BEND7: variants seen among roughly 807,000 people sequenced by gnomAD.
The protein encoded by BEND7 is BEN domain containing 7.
A neutral mutation model predicts 50.9 loss-of-function variants in BEND7; 28 were observed. The observed-to-expected ratio is 0.55, with a 90% CI of 0.41 to 0.75. BEND7 has a LOEUF of 0.75. Among genes scored for constraint, BEND7 ranks in the 30% least tolerant of loss-of-function variants. The pLI is 0.00. For missense variants in BEND7, 477 were observed against 491.3 expected (o/e 0.97, Z 0.28); for synonymous variants, 170 against 183.9 (o/e 0.92, Z 0.61).
At chr10:13,464,979 T>C (rs563007014) in intron 6 of BEND7, among the ~76,000 whole-genome samples, 1 of 152,292 alleles carries the variant, frequency 6.6e-6, no homozygotes, top group Admixed American at 6.5e-5. Flanking sequence ...GACGTGACCT[T>C]CCCCGATAAG....
chr10:13,439,130 A>G, downstream of BEND7: 4 of 1,497,298 alleles, frequency 2.7e-6, no homozygotes, highest in Non-Finnish European at 3.6e-6. Context: ...ATTCCAGTGG[A>G]AAGATGGGTG....
chr10:13,506,265 T>C (rs1218598668), intron 2 of BEND7, among the ~76,000 whole-genome samples: 2 of 152,214 alleles, frequency 1.3e-5, no homozygotes, highest in Non-Finnish European at 2.9e-5. Context: ...CTGTGGATCC[T>C]GCCTTCCCTG....
At chr10:13,470,006 C>A (rs962817534) in intron 6 of BEND7, among the ~76,000 whole-genome samples, 1 of 152,058 alleles carries the variant, frequency 6.6e-6, no homozygotes, top group Non-Finnish European at 1.5e-5. Context: ...ATTGTAGATC[C>A]AGAAGAAAAG....
chr10:13,527,718 CA>C (rs2079522680), intron 1 of BEND7: 1 of 444,084 alleles, frequency 2.3e-6, no homozygotes. Context: ...CTTGAGTTAT[CA>C]TTTTTTTAAA....
chr10:13,449,905 C>T (rs1253670198), intron 7 of BEND7, among the ~76,000 whole-genome samples: 1 of 152,214 alleles, frequency 6.6e-6, no homozygotes, highest in African/African-American at 2.4e-5. Context: ...TCTGCAACAA[C>T]AAGCTCACAG....
intron 3 of BEND7, among the ~76,000 whole-genome samples, chr10:13,497,900 A>G (rs916889113): frequency 1.3e-5 from 2 of 152,164 alleles, no homozygotes; most frequent in African/African-American, 4.8e-5. Context: ...TACTATAGAA[A>G]AATTCACCAG....
chr10:13,498,068 T>C (rs1205260982), intron 3 of BEND7, among the ~76,000 whole-genome samples: 1 of 141,000 alleles, frequency 7.1e-6, no homozygotes, highest in African/African-American at 2.7e-5. Flanking sequence ...TATATTTCTT[T>C]TTCTTTTTTT....
At chr10:13,445,686 TCA>T (rs1357970539) in intron 8 of BEND7, 2 of 152,200 alleles carry the variant, frequency 1.3e-5, no homozygotes, top group African/African-American at 4.8e-5. Context: ...CCCTCTGACC[TCA>T]GTTTTCTCAC....
At chr10:13,459,525 C>A (rs780708865) in intron 6 of BEND7, 2 of 152,142 alleles carry the variant, frequency 1.3e-5, no homozygotes, top group Non-Finnish European at 1.5e-5. Flanking sequence ...TAAAACACTA[C>A]GAGAGGGTGG....
chr10:13,487,449 C>T (rs935404224), intron 5 of BEND7, among the ~76,000 whole-genome samples: 14 of 144,640 alleles, frequency 9.7e-5, no homozygotes, highest in Admixed American at 2.9e-4. Flanking sequence ...TACAATGGTG[C>T]GATTTTGGCT....
chr10:13,463,447 A>G lies in BEND7; in HGVS notation c.1064-10789T>C, dbSNP rs575904709. On this transcript the variant is annotated intron_variant, in intron 6 of 8. Transcript: ENST00000466271. ...AAGACGAAGGTAGATAAAAGACCAAATGTAAACATGTGTGAGAGGAGCTCA... is the reference window on the plus strand; with the variant it reads ...AAGACGAAGGTAGATAAAAGACCAAGTGTAAACATGTGTGAGAGGAGCTCA... Among the ~76,000 whole-genome samples, 8 of 152,322 alleles carry G rather than the reference A, an allele frequency of 5.3e-5. No individual in the cohort carries two copies. In the East Asian group the frequency reaches 1.5e-3, roughly 29 times the overall value.
intron 3 of BEND7, among the ~76,000 whole-genome samples, chr10:13,498,491 A>G (rs959630275): frequency 6.6e-6 from 1 of 152,208 alleles, no homozygotes; most frequent in Admixed American, 6.5e-5. Flanking sequence ...CCTACTGTAT[A>G]CTGGGAAACA....
intron 5 of BEND7, among the ~76,000 whole-genome samples, chr10:13,491,750 G>GCAAT (rs1441188413): frequency 6.6e-6 from 1 of 152,044 alleles, no homozygotes; most frequent in African/African-American, 2.4e-5. Flanking sequence ...TTTTTAAAAA[G>GCAAT]CAATTTGTTT....
intron 3 of BEND7, 39 bp from the exon 4 acceptor site, chr10:13,496,927 C>CAAAAAAAA: frequency 1.2e-6 from 1 of 810,700 alleles, no homozygotes; most frequent in South Asian, 5.1e-5. Context: ...TCCAAACAAA[C>CAAAAAAAA]CAAAAAAAAA....
intron 5 of BEND7, among the ~76,000 whole-genome samples, chr10:13,484,319 C>T (rs2076074638): frequency 6.6e-6 from 1 of 152,234 alleles, no homozygotes; most frequent in Admixed American, 6.5e-5. Flanking sequence ...TTTTCTGAAA[C>T]ATGAAGAAAA....
At chr10:13,509,189 CAG>C (rs926548789) in intron 2 of BEND7, among the ~76,000 whole-genome samples, 18 of 152,194 alleles carry the variant, frequency 1.2e-4, no homozygotes, top group African/African-American at 3.9e-4. Flanking sequence ...AGTTTGGGGA[CAG>C]AGTCCTAGGA....
chr10:13,528,913 G>C lies in BEND7; in HGVS notation c.-380C>G, dbSNP rs2079576898. ...GCGGCGGCGGCGGCGGAGGCGGGGG[G>C]CGGCTCGGGGCGGCCGGCCCGCCTG... On this transcript the variant is annotated 5_prime_UTR_variant, in exon 1 of 9. Coordinates refer to ENST00000466271, the MANE Select transcript of BEND7 (RefSeq NM_001369863.1). The C allele has an allele frequency of 6.9e-6, 1 of 144,894 alleles. No homozygotes were observed. Among genetic ancestry groups the C allele is most frequent in the Non-Finnish European group, 1.5e-5 (1 of 65,136 alleles). 9.0% of individuals were successfully genotyped at this position (144,894 alleles called of 1,614,324 possible).
chr10:13,517,412 G>T (rs2132593150), intron 2 of BEND7, among the ~76,000 whole-genome samples: 1 of 152,190 alleles, frequency 6.6e-6, no homozygotes, highest in South Asian at 2.1e-4. Flanking sequence ...GAAGTAGACG[G>T]AGGCAGTTCA....
intron 6 of BEND7, among the ~76,000 whole-genome samples, chr10:13,479,979 C>T (rs563538211): frequency 5.9e-5 from 9 of 152,314 alleles, no homozygotes; most frequent in South Asian, 4.1e-4. Context: ...AGGCCCTCTG[C>T]GTCAGTCCCA....
Sources: gnomAD v4.1 joint callset for allele counts (sites outside exome capture counted in the v4.1 genomes callset) on GRCh38, gnomAD v4.1.1 for gene constraint, MANE v1.5 for transcripts, NCBI Gene and HGNC (gene_info 2026-07-23, HGNC 2026-07-21) for gene names.